SLC35E4: variants seen among roughly 807,000 people sequenced by gnomAD.
SLC35E4 encodes the protein solute carrier family 35 member E4, also known as solute carrier family 35, member E4.
In SLC35E4, 15 loss-of-function variants were observed where a neutral mutation model predicts 19.3. That is an observed-to-expected ratio of 0.78 (90% CI 0.52 to 1.20). The LOEUF (loss-of-function observed/expected upper bound fraction) is 1.20. SLC35E4 is among the 50% of genes most tolerant of loss of function. SLC35E4 has a pLI of 0.00. For synonymous variants in SLC35E4, 219 were observed against 219.9 expected, an observed-to-expected ratio of 1.00 and a Z score of 0.04; for missense variants, 406 against 472.3, an observed-to-expected ratio of 0.86 and a Z score of 1.30.
intron 2 of SLC35E4, among the ~76,000 whole-genome samples, chr22:30,659,384 T>C (rs1273067498): frequency 6.6e-6 from 1 of 152,108 alleles, no homozygotes; most frequent in African/African-American, 2.4e-5. Flanking sequence ...TTTTCTCTCT[T>C]TTTTTTGAGA....
downstream of SLC35E4, chr22:30,667,767 A>T (rs917105081): frequency 2.6e-5 from 4 of 152,814 alleles, no homozygotes; most frequent in African/African-American, 9.6e-5. Context: ...AGCTCAGCTC[A>T]CCGCACCCCA....
downstream of SLC35E4, among the ~76,000 whole-genome samples, chr22:30,651,166 G>A (rs576831912): frequency 1.3e-4 from 19 of 151,640 alleles, no homozygotes; most frequent in African/African-American, 3.9e-4. Flanking sequence ...CTTAATGGAG[G>A]ACCACGAGAG....
At position 30,646,744 on chromosome 22, in the gene SLC35E4, G is replaced by A. The variant is rs1462075657; in HGVS notation, c.766G>A (p.Ala256Thr). The A allele has an allele frequency of 6.0e-5, 97 of 1,613,584 alleles. No individual in the cohort carries two copies. The highest frequency in any genetic ancestry group is 8.1e-5 in the Non-Finnish European group (96 of 1,179,926). ...CACTGCTGGCGACTCTCGCCTCTGG[G>A]CCTGCATCCTGCTCAGCTGCCTCCT... The part of the protein sequence containing the change: ...PPTAGDSRLW[A>T]CILLSCLLSV... Residue 256 changes from alanine to threonine, a missense_variant, in exon 2 of 2, where the codon GCC (alanine) becomes ACC (threonine). Ala to Thr is a moderately conservative substitution (Grantham distance 58). Transcript: ENST00000343605.
intron 1 of SLC35E4, among the ~76,000 whole-genome samples, chr22:30,639,756 G>A (rs902542488): frequency 6.6e-6 from 1 of 152,198 alleles, no homozygotes; most frequent in African/African-American, 2.4e-5. Context: ...TATCTCTCTT[G>A]TTCCCTGAAC....
downstream of SLC35E4, among the ~76,000 whole-genome samples, chr22:30,666,447 C>T (rs926789368): frequency 6.6e-6 from 1 of 151,626 alleles, no homozygotes; most frequent in Non-Finnish European, 1.5e-5. Flanking sequence ...ATGGTGAAAC[C>T]CCCGTCTCTA....
intron 2 of SLC35E4, among the ~76,000 whole-genome samples, chr22:30,656,982 TAAAA>T (rs2088350519): frequency 1.3e-5 from 2 of 151,580 alleles, no homozygotes; most frequent in Admixed American, 1.3e-4. Context: ...AATTAAAACT[TAAAA>T]AAGGAGGAAT....
downstream of SLC35E4, chr22:30,665,005 G>A (rs879447404): frequency 5.2e-5 from 8 of 152,694 alleles, no homozygotes; most frequent in Non-Finnish European, 1.0e-4. Flanking sequence ...AGGTTCAGCC[G>A]CAGATCTGCT....
At chr22:30,653,621 C>G (rs914014949) in intron 2 of SLC35E4, among the ~76,000 whole-genome samples, 2 of 151,988 alleles carry the variant, frequency 1.3e-5, no homozygotes, top group African/African-American at 2.4e-5. Context: ...GACCCGCCCC[C>G]CCTCGGCCTC....
rs1203001835 is a variant in SLC35E4, at chr22:30,636,653, A to G, written c.203A>G (p.Lys68Arg). 6.2e-7 allele frequency: 1 copy of G among 1,611,990 alleles called. No homozygotes were observed. Among genetic ancestry groups the G allele is most frequent in the African/African-American group, 1.3e-5 (1 of 74,892 alleles). ...GGAGCCAGCATGTCAAGCCTCAACA[A>G]GTGGATCTTCACAGTGCACGGCTTT... ...LAGASMSSLN[K>R]WIFTVHGFGR... is the part of the protein sequence containing the mutation. The change falls in exon 1 of 2, where the codon AAG (lysine) becomes AGG (arginine). Residue 68 changes from lysine (K) to arginine (R), a missense_variant. By Grantham distance (26) the Lys-to-Arg change is conservative. Coordinates refer to ENST00000343605, the MANE Select transcript of SLC35E4 (RefSeq NM_001001479.4).
intron 1 of SLC35E4, among the ~76,000 whole-genome samples, chr22:30,643,016 T>G (rs1265669302): frequency 7.3e-6 from 1 of 137,144 alleles, no homozygotes; most frequent in African/African-American, 2.8e-5. Flanking sequence ...GGCGACAGAG[T>G]GAGACTCCGT....
intron 2 of SLC35E4, among the ~76,000 whole-genome samples, chr22:30,658,803 G>C (rs1238758982): frequency 6.6e-6 from 1 of 152,118 alleles, no homozygotes. Flanking sequence ...TGCTCACTGG[G>C]GGGCATAAGC....
chr22:30,656,106 T>G (rs1459097388), intron 2 of SLC35E4, among the ~76,000 whole-genome samples: 1 of 151,946 alleles, frequency 6.6e-6, no homozygotes, highest in Non-Finnish European at 1.5e-5. Context: ...CCCAAGTAGC[T>G]GGGACTACAG....
downstream of SLC35E4, chr22:30,663,981 A>G (rs528509753): frequency 2.5e-6 from 4 of 1,613,818 alleles, no homozygotes; most frequent in African/African-American, 5.3e-5. Flanking sequence ...CTGAACTGGG[A>G]AGGCACACGA....
intron 2 of SLC35E4, among the ~76,000 whole-genome samples, chr22:30,655,440 AAAAAAAAAGAAAAAG>A (rs2088319404): frequency 6.6e-6 from 1 of 151,508 alleles, no homozygotes; most frequent in Non-Finnish European, 1.5e-5. Context: ...AAAAAAAAAA[AAAAAAAAAGAAAAAG>A]AAAAAAAGAA....
At position 30,659,141 on chromosome 22, in the gene SLC35E4, A is replaced by G. The variant is rs866652664; in HGVS notation, c.*9-2919A>G. Among the ~76,000 whole-genome samples the G allele has an allele frequency of 4.0e-3, 456 of 114,784 alleles. 1 individual carries two copies. Among genetic ancestry groups the G allele is most frequent in the Middle Eastern group, 0.02 (4 of 196 alleles). 75.3% of individuals were successfully genotyped at this position (114,784 alleles called of 152,430 possible). A position where few individuals can be genotyped will look rare whatever the true frequency, so the allele number is the denominator to read the frequency against. On this transcript the variant is annotated intron_variant, in intron 2 of 2. Transcript: ENST00000406566. ...TCCATCTCAAAAAAAAAAAAAAAAA[A>G]AAAAAGAAGAAACTGAACTGATACT... is the stretch of plus-strand genomic sequence containing the variant.
chr22:30,646,992 G>C lies in SLC35E4; in HGVS notation c.1014G>C (p.Arg338=), dbSNP rs769712873. ...TCGTGGCCTCCTGGGCTGCCCGTCG[G>C]GGGCTGTGGCGGAGGGACCAGCCCA... ...CEFVASWAAR[R]GLWRRDQPSK... Residue 338 remains arginine (R), a synonymous_variant, in exon 2 of 2, where the codon CGG becomes CGC. Transcript: ENST00000343605. 2 of 1,612,588 alleles carry C rather than the reference G, an allele frequency of 1.2e-6. No individual in the cohort carries two copies. The highest frequency in any genetic ancestry group is 1.7e-6 in the Non-Finnish European group (2 of 1,179,578).
chr22:30,639,634 A>G (rs117870155), intron 1 of SLC35E4, among the ~76,000 whole-genome samples: 4,278 of 152,242 alleles, frequency 0.028, 91 homozygotes, highest in African/African-American at 0.054. Context: ...CTCTTTCTCA[A>G]GGATGTCCCT....
downstream of SLC35E4, among the ~76,000 whole-genome samples, chr22:30,650,676 A>G (rs1249518139): frequency 1.3e-5 from 2 of 152,100 alleles, no homozygotes; most frequent in South Asian, 4.1e-4. Context: ...GCTGTAATGG[A>G]CAAAGGCCTA....
intron 2 of SLC35E4, among the ~76,000 whole-genome samples, chr22:30,655,442 A>C (rs1345869134): frequency 6.6e-6 from 1 of 151,548 alleles, no homozygotes; most frequent in African/African-American, 2.4e-5. Flanking sequence ...AAAAAAAAAA[A>C]AAAAAAGAAA....
Sources: allele counts gnomAD v4.1 joint callset (sites outside exome capture counted in the v4.1 genomes callset), GRCh38; gene constraint gnomAD v4.1.1; transcripts MANE v1.5; gene names NCBI Gene and HGNC (gene_info 2026-07-23, HGNC 2026-07-21).